PEAK1: variants seen among roughly 807,000 people sequenced by gnomAD.
PEAK1 encodes the protein inactive tyrosine-protein kinase PEAK1.
A neutral mutation model predicts 124.7 loss-of-function variants in PEAK1; 54 were observed. The ratio of observed to expected loss-of-function variants is 0.43; its 90% confidence interval spans 0.35 to 0.54. The LOEUF is 0.54. Ranked by LOEUF, PEAK1 falls within the 20% of genes least tolerant of loss-of-function variation. PEAK1 has a pLI of 0.01. For synonymous variants in PEAK1, 719 were observed against 760.0 expected (o/e 0.95, Z 0.89); for missense variants, 2,046 against 2,134.5 (o/e 0.96, Z 0.82).
At chr15:77,120,405 C>T (rs1475717140) in intron 9 of PEAK1, among the ~76,000 whole-genome samples, 1 of 152,160 alleles carries the variant, frequency 6.6e-6, no homozygotes, top group Admixed American at 6.5e-5. Context: ...AACTCTCCGT[C>T]CCACCAAACT....
chr15:77,309,433 G>C (rs1488094189), intron 2 of PEAK1, among the ~76,000 whole-genome samples: 1 of 145,068 alleles, frequency 6.9e-6, no homozygotes, highest in Non-Finnish European at 1.5e-5. Flanking sequence ...TCCAGCAAGG[G>C]AAAAAAAAAA....
intron 2 of PEAK1, chr15:77,338,165 G>C: frequency 1.1e-6 from 1 of 926,924 alleles, no homozygotes; most frequent in African/African-American, 1.8e-5. Flanking sequence ...AGCAGACAAT[G>C]GGAGTAGCCT....
chr15:77,270,325 G>C (rs2152953586), intron 5 of PEAK1, among the ~76,000 whole-genome samples: 1 of 152,248 alleles, frequency 6.6e-6, no homozygotes, highest in Non-Finnish European at 1.5e-5. Flanking sequence ...ATTAGGAAAA[G>C]AGGAAGTCAA....
At chr15:77,350,282 A>T (rs939902192) in intron 2 of PEAK1, 3 of 985,228 alleles carry the variant, frequency 3.0e-6, no homozygotes, top group Non-Finnish European at 3.6e-6. Context: ...ATGAATTAGA[A>T]GAATCAATAT....
intron 8 of PEAK1, among the ~76,000 whole-genome samples, chr15:77,144,700 T>G (rs1460368921): frequency 6.6e-6 from 1 of 152,178 alleles, no homozygotes; most frequent in African/African-American, 2.4e-5. Context: ...AATCAGAAAC[T>G]TATGCGTTCC....
chr15:77,331,962 C>A (rs756261297), intron 2 of PEAK1, among the ~76,000 whole-genome samples: 2 of 151,496 alleles, frequency 1.3e-5, no homozygotes, highest in Non-Finnish European at 1.5e-5. Flanking sequence ...AGAGGCTGGG[C>A]GAGGTGGCTC....
chr15:77,342,270 T>G (rs1354236265), intron 2 of PEAK1, among the ~76,000 whole-genome samples: 1 of 152,034 alleles, frequency 6.6e-6, no homozygotes, highest in Non-Finnish European at 1.5e-5. Flanking sequence ...CAGAACTTTT[T>G]TATCATGCAA....
intron 2 of PEAK1, among the ~76,000 whole-genome samples, chr15:77,358,384 C>T (rs2067661465): frequency 1.3e-5 from 2 of 152,162 alleles, no homozygotes; most frequent in Admixed American, 6.5e-5. Flanking sequence ...CTGCTAAACA[C>T]ACTAGAATCT....
intron 2 of PEAK1, among the ~76,000 whole-genome samples, chr15:77,291,041 T>C (rs1327294845): frequency 6.6e-6 from 1 of 152,248 alleles, no homozygotes; most frequent in African/African-American, 2.4e-5. Context: ...GAAACAGATA[T>C]ATGCTAACAA....
chr15:77,352,344 T>A (rs1317125294), intron 2 of PEAK1: 2 of 985,212 alleles, frequency 2.0e-6, no homozygotes. Flanking sequence ...TCTCCAGAAA[T>A]CACTTTCTAT....
chr15:77,382,664 C>A (rs948905538), intron 1 of PEAK1, among the ~76,000 whole-genome samples: 2 of 152,166 alleles, frequency 1.3e-5, no homozygotes, highest in African/African-American at 4.8e-5. Context: ...GTTTCCAGTT[C>A]TGTGTTCCTC....
chr15:77,180,259 T>C lies in PEAK1; in HGVS notation c.1668A>G (p.Gly556=), dbSNP rs1244801395. The change falls in exon 7 of 10, where the codon GGA becomes GGG. Residue 556 remains glycine, a synonymous_variant. Transcript: ENST00000682557. ...AGTTTTTCCTTGGAGGAACATTTGG[T>C]CCAGTTCCACTAGTAATTAGTTCTA... ...PKVELITSGT[G]PNVPPRKNCH... 3.1e-6 allele frequency: 5 copies of C among 1,614,216 alleles called. No individual in the cohort carries two copies. The highest frequency in any genetic ancestry group is 4.2e-6 in the Non-Finnish European group (5 of 1,180,034).
At chr15:77,415,569 A>G (rs1319034697) in intron 1 of PEAK1, among the ~76,000 whole-genome samples, 2 of 152,100 alleles carry the variant, frequency 1.3e-5, no homozygotes, top group Non-Finnish European at 2.9e-5. Flanking sequence ...CCTCACATAC[A>G]TTGTTTAAAA....
chr15:77,313,183 C>G (rs1357184773), intron 2 of PEAK1, among the ~76,000 whole-genome samples: 1 of 151,970 alleles, frequency 6.6e-6, no homozygotes, highest in Non-Finnish European at 1.5e-5. Flanking sequence ...AATACACACA[C>G]AAAATATGGT....
At position 77,179,461 on chromosome 15, in the gene PEAK1, T is replaced by C; in HGVS notation, c.2466A>G (p.Thr822=). The C allele has an allele frequency of 1.2e-6, 2 of 1,614,038 alleles. No homozygotes were observed. Among genetic ancestry groups the C allele is most frequent in the South Asian group, 2.2e-5 (2 of 91,078 alleles). The change falls in exon 7 of 10, where the codon ACA becomes ACG. Residue 822 remains threonine (T), a synonymous_variant. Transcript: ENST00000682557. ...CTTCAGCCTCACCACTAGGCTGAGA[T>C]GTAAAGAGAGATTTGGGCCGGACTG... The part of the protein sequence containing the change: ...STPVRPKSLF[T]SQPSGEAEAP...
chr15:77,205,163 T>A (rs2058571259), intron 6 of PEAK1: 2 of 274,264 alleles, frequency 7.3e-6, no homozygotes, highest in South Asian at 8.1e-5. Flanking sequence ...AGAGGAATAT[T>A]TTTATCAACT....
At chr15:77,225,669 TA>T (rs1567136871) in intron 6 of PEAK1, among the ~76,000 whole-genome samples, 10 of 110,778 alleles carry the variant, frequency 9.0e-5, no homozygotes, top group Admixed American at 2.6e-4. Flanking sequence ...GTATAATTTA[TA>T]TATATATATA....
intron 2 of PEAK1, chr15:77,345,753 A>G: frequency 1.2e-5 from 4 of 321,214 alleles, no homozygotes; most frequent in Non-Finnish European, 1.8e-5. Flanking sequence ...TGTATTCCCA[A>G]CACACACAAA....
intron 5 of PEAK1, among the ~76,000 whole-genome samples, chr15:77,258,038 A>C (rs994876949): frequency 1.3e-5 from 2 of 152,162 alleles, no homozygotes; most frequent in African/African-American, 2.4e-5. Flanking sequence ...AGATAGTTGT[A>C]GACATGCGGT....
Sources: gnomAD v4.1 joint callset for allele counts (sites outside exome capture counted in the v4.1 genomes callset) on GRCh38, gnomAD v4.1.1 for gene constraint, MANE v1.5 for transcripts, NCBI Gene and HGNC (gene_info 2026-07-23, HGNC 2026-07-21) for gene names.